Variants in ADCY2 observed in about 807,000 individuals in gnomAD.
ADCY2 encodes adenylate cyclase type 2.
ADCY2 carries 31 observed loss-of-function variants against 125.2 expected under a neutral mutation model. That is an observed-to-expected ratio of 0.25 (90% confidence interval 0.19 to 0.33). The LOEUF is 0.33. Ranked by LOEUF, ADCY2 falls within the 10% of genes least tolerant of loss-of-function variation. The probability of loss-of-function intolerance (pLI) is 1.00; values close to 1 mark genes in which losing one functional copy is unlikely to be tolerated. For missense variants in ADCY2, 904 were observed against 1,418.2 expected (o/e 0.64, Z 5.82); for synonymous variants, 512 against 548.4 (o/e 0.93, Z 0.93).
chr5:7,823,016 G>A (rs937458025), intron 24 of ADCY2, among the ~76,000 whole-genome samples: 2 of 152,198 alleles, frequency 1.3e-5, no homozygotes, highest in East Asian at 3.9e-4. Flanking sequence ...TTAAAAGACT[G>A]TCCCCTCCAT....
At chr5:7,486,215 T>C (rs1012809558) in intron 2 of ADCY2, among the ~76,000 whole-genome samples, 3 of 152,194 alleles carry the variant, frequency 2.0e-5, no homozygotes, top group African/African-American at 7.2e-5. Context: ...TTAAAGAGTT[T>C]CATGAAGTAT....
intron 3 of ADCY2, among the ~76,000 whole-genome samples, chr5:7,557,167 TA>T: frequency 1.1e-5 from 1 of 88,466 alleles, no homozygotes; most frequent in African/African-American, 3.5e-5. Flanking sequence ...TAGATATATA[TA>T]ATAATCACAC....
At chr5:7,568,133 T>C (rs1345921468) in intron 3 of ADCY2, among the ~76,000 whole-genome samples, 1 of 152,196 alleles carries the variant, frequency 6.6e-6, no homozygotes, top group Non-Finnish European at 1.5e-5. Context: ...CAATGTAGTA[T>C]GGAATGAGAG....
intron 20 of ADCY2, among the ~76,000 whole-genome samples, chr5:7,791,670 C>G (rs1419432566): frequency 1.3e-5 from 2 of 152,120 alleles, no homozygotes; most frequent in African/African-American, 2.4e-5. Flanking sequence ...TTAAAGGGCC[C>G]TCTGTTCTCG....
intron 1 of ADCY2, among the ~76,000 whole-genome samples, chr5:7,400,414 G>C (rs1484255702): frequency 6.6e-6 from 1 of 152,176 alleles, no homozygotes; most frequent in Admixed American, 6.5e-5. Flanking sequence ...TCCAGCATCA[G>C]ATATTTTTTC....
At chr5:7,475,164 T>C (rs1261631076) in intron 2 of ADCY2, among the ~76,000 whole-genome samples, 1 of 152,088 alleles carries the variant, frequency 6.6e-6, no homozygotes, top group Admixed American at 6.5e-5. Context: ...ATAGGTGAAG[T>C]GCGGAGAGTG....
chr5:7,587,379 C>G (rs781181155), intron 3 of ADCY2, among the ~76,000 whole-genome samples: 4 of 152,188 alleles, frequency 2.6e-5, no homozygotes, highest in Non-Finnish European at 5.9e-5. Flanking sequence ...TACTCTGTTG[C>G]GAGATGCTTG....
At chr5:7,536,240 G>T (rs976251090) in intron 3 of ADCY2, among the ~76,000 whole-genome samples, 1 of 152,214 alleles carries the variant, frequency 6.6e-6, no homozygotes, top group African/African-American at 2.4e-5. Flanking sequence ...ACCTTTATGG[G>T]GTGGAAGTCC....
intron 3 of ADCY2, among the ~76,000 whole-genome samples, chr5:7,612,791 C>T (rs774531212): frequency 2.0e-5 from 3 of 152,140 alleles, no homozygotes; most frequent in South Asian, 2.1e-4. Flanking sequence ...CCGAGGCTGG[C>T]GGATCACAAG....
intron 3 of ADCY2, among the ~76,000 whole-genome samples, chr5:7,563,291 A>G (rs565165899): frequency 6.6e-6 from 1 of 152,328 alleles, no homozygotes; most frequent in South Asian, 2.1e-4. Flanking sequence ...AGCAATATAG[A>G]ACTTCACAGC....
chr5:7,519,185 A>G (rs17826816), intron 2 of ADCY2, among the ~76,000 whole-genome samples: 25,639 of 152,162 alleles, frequency 0.17, 2,798 homozygotes, highest in Non-Finnish European at 0.25. Flanking sequence ...GTGGTGACAG[A>G]TGGTTCTTTT....
intron 2 of ADCY2, among the ~76,000 whole-genome samples, chr5:7,438,588 G>A (rs537280866): frequency 6.6e-6 from 1 of 152,310 alleles, no homozygotes; most frequent in African/African-American, 2.4e-5. Flanking sequence ...GGAGGTGTGA[G>A]TGCTGGAGCA....
At chr5:7,460,669 T>G (rs1184681338) in intron 2 of ADCY2, among the ~76,000 whole-genome samples, 2 of 152,152 alleles carry the variant, frequency 1.3e-5, no homozygotes, top group Non-Finnish European at 2.9e-5. Flanking sequence ...GTTGGTGTTT[T>G]CTTTTTGTAC....
At chr5:7,673,795 A>C (rs2914303) in intron 4 of ADCY2, among the ~76,000 whole-genome samples, 1 of 152,186 alleles carries the variant, frequency 6.6e-6, no homozygotes, top group African/African-American at 2.4e-5. Flanking sequence ...GCCTCAGAGC[A>C]GGGCTGGGAG....
intron 17 of ADCY2, among the ~76,000 whole-genome samples, chr5:7,772,011 C>T (rs1235441202): frequency 6.6e-6 from 1 of 152,174 alleles, no homozygotes; most frequent in African/African-American, 2.4e-5. Flanking sequence ...TGTTTCCCTG[C>T]AGCAAGTCCC....
chr5:7,673,286 A>ATATATATATATATATAT (rs58505229), intron 4 of ADCY2, among the ~76,000 whole-genome samples: 29 of 53,858 alleles, frequency 5.4e-4, no homozygotes, highest in East Asian at 2.4e-3. Flanking sequence ...ATATATATAT[A>ATATATATATATATATAT]AAATTAGCCA....
intron 22 of ADCY2, among the ~76,000 whole-genome samples, chr5:7,808,404 T>C (rs1744824926): frequency 6.6e-6 from 1 of 152,202 alleles, no homozygotes; most frequent in African/African-American, 2.4e-5. Context: ...CTTCCTTCAC[T>C]CTGTTTTACA....
intron 2 of ADCY2, among the ~76,000 whole-genome samples, chr5:7,519,099 T>A (rs143392915): frequency 6.6e-6 from 1 of 152,350 alleles, no homozygotes; most frequent in African/African-American, 2.4e-5. Flanking sequence ...CTATGTCTCC[T>A]GAATCTTTCC....
intron 16 of ADCY2, among the ~76,000 whole-genome samples, chr5:7,765,872 A>G (rs1397787274): frequency 1.3e-5 from 2 of 152,170 alleles, no homozygotes; most frequent in Admixed American, 6.5e-5. Flanking sequence ...GCCACATGAC[A>G]GAAAAGTGGC....
Sources: gnomAD v4.1 joint callset for allele counts (sites outside exome capture counted in the v4.1 genomes callset) on GRCh38, gnomAD v4.1.1 for gene constraint, MANE v1.5 for transcripts, NCBI Gene and HGNC (gene_info 2026-07-23, HGNC 2026-07-21) for gene names.